The following FRMPD4 variants were observed in gnomAD, a reference collection of about 807,000 sequenced individuals.
The protein encoded by FRMPD4 is FERM and PDZ domain containing 4.
Under a neutral mutation model 94.1 loss-of-function variants are expected in FRMPD4, and 22 were observed. That is an observed-to-expected ratio of 0.23 (90% CI 0.17 to 0.33). The LOEUF (loss-of-function observed/expected upper bound fraction) is 0.33, where lower values mean the gene tolerates loss of function less well. Ranked by LOEUF, FRMPD4 falls within the 10% of genes least tolerant of loss-of-function variation. The pLI, the probability that FRMPD4 is intolerant of heterozygous loss-of-function variation, is 1.00. For missense variants in FRMPD4, 1,111 were observed against 1,339.9 expected (o/e 0.83, Z 2.67); for synonymous variants, 631 against 548.6 (o/e 1.15, Z -2.10).
At chrX:11,916,436 G>C (rs371872021) in intron 3 of FRMPD4, among the ~76,000 whole-genome samples, 1 of 111,225 alleles carries the variant, frequency 9.0e-6, no homozygotes, top group African/African-American at 3.3e-5. Flanking sequence ...CAATCAGAAA[G>C]GGAAAAAGGG....
intron 1 of FRMPD4, among the ~76,000 whole-genome samples, chrX:12,312,978 G>A (rs1376378783): frequency 9.0e-6 from 1 of 111,521 alleles, no homozygotes; most frequent in Non-Finnish European, 1.9e-5. Flanking sequence ...CTATGGGGGA[G>A]CGATGGATGG....
chrX:11,928,362 T>C (rs375676213), intron 3 of FRMPD4, among the ~76,000 whole-genome samples: 1 of 111,911 alleles, frequency 8.9e-6, no homozygotes, highest in Admixed American at 9.5e-5. Context: ...CCTCTTCATA[T>C]GGCAGCAGGA....
intron 4 of FRMPD4, among the ~76,000 whole-genome samples, chrX:12,668,774 T>G (rs778535145): frequency 1.3e-3 from 148 of 109,938 alleles, no homozygotes; most frequent in African/African-American, 4.2e-3. Context: ...CCGGCTAATT[T>G]TTGTATTATT....
At chrX:12,571,075 G>A in intron 2 of FRMPD4, among the ~76,000 whole-genome samples, 1 of 111,810 alleles carries the variant, frequency 8.9e-6, no homozygotes, top group Non-Finnish European at 1.9e-5. Context: ...GATCTGCATC[G>A]AAACCTAAAC....
At chrX:11,861,457 C>G (rs1224457681) in intron 1 of FRMPD4, among the ~76,000 whole-genome samples, 2 of 110,260 alleles carry the variant, frequency 1.8e-5, no homozygotes, top group Admixed American at 9.7e-5. Context: ...ACACAAAAAA[C>G]AAAATATGAA....
At chrX:12,039,334 G>A (rs2054738804) in intron 3 of FRMPD4, among the ~76,000 whole-genome samples, 1 of 108,691 alleles carries the variant, frequency 9.2e-6, no homozygotes, top group Non-Finnish European at 1.9e-5. Context: ...AATTCTTAAG[G>A]TGAAAACTTA....
intron 4 of FRMPD4, among the ~76,000 whole-genome samples, chrX:12,624,008 A>G (rs1365814621): frequency 1.8e-5 from 2 of 112,152 alleles, no homozygotes; most frequent in Non-Finnish European, 3.8e-5. Flanking sequence ...GTGCGATCCC[A>G]TCTCAAAAAG....
At chrX:12,114,958 T>C (rs748346504) in intron 3 of FRMPD4, among the ~76,000 whole-genome samples, 4 of 112,281 alleles carry the variant, frequency 3.6e-5, no homozygotes, top group Non-Finnish European at 5.6e-5. Flanking sequence ...TTGCCAGATA[T>C]CTTTTCTGTT....
intron 1 of FRMPD4, chrX:12,341,693 T>C: frequency 3.2e-6 from 1 of 314,382 alleles, no homozygotes; most frequent in Admixed American, 3.3e-5. Flanking sequence ...CTCTTAATAT[T>C]CTATTACATT....
chrX:12,512,078 C>T (rs777146915), intron 2 of FRMPD4, among the ~76,000 whole-genome samples: 63 of 112,036 alleles, frequency 5.6e-4, no homozygotes, highest in African/African-American at 1.7e-3. Flanking sequence ...CAAAATCTTC[C>T]GTTAGCAAAA....
At chrX:12,157,467 A>T (rs1013150852) in intron 1 of FRMPD4, among the ~76,000 whole-genome samples, 2 of 111,667 alleles carry the variant, frequency 1.8e-5, no homozygotes, top group Non-Finnish European at 3.8e-5. Context: ...GCTTGGCCCC[A>T]GCATTTTATG....
chrX:11,857,240 G>A (rs946081703), intron 1 of FRMPD4, among the ~76,000 whole-genome samples: 2 of 111,390 alleles, frequency 1.8e-5, no homozygotes, highest in African/African-American at 6.5e-5. Context: ...AAAGGAGCCC[G>A]AATAGCCAAG....
intron 1 of FRMPD4, among the ~76,000 whole-genome samples, chrX:12,247,680 C>A (rs1325410164): frequency 2.7e-5 from 3 of 111,952 alleles, no homozygotes; most frequent in African/African-American, 6.5e-5. Context: ...AGCCACTATA[C>A]CTGGCAATAT....
chrX:12,302,832 T>A (rs1321554449), intron 1 of FRMPD4, among the ~76,000 whole-genome samples: 3 of 112,416 alleles, frequency 2.7e-5, no homozygotes, highest in Admixed American at 9.4e-5. Context: ...CTTTTTGGAA[T>A]AATGCAATAC....
At chrX:12,220,181 A>G (rs1035550739) in intron 1 of FRMPD4, among the ~76,000 whole-genome samples, 2 of 110,464 alleles carry the variant, frequency 1.8e-5, no homozygotes, top group Non-Finnish European at 3.8e-5. Context: ...CAACAACAAC[A>G]CAAAAAAACA....
intron 1 of FRMPD4, among the ~76,000 whole-genome samples, chrX:12,206,221 ATG>A (rs1214789873): frequency 1.8e-5 from 2 of 112,420 alleles, no homozygotes; most frequent in Non-Finnish European, 1.9e-5. Flanking sequence ...AAATTCAGTA[ATG>A]TGGTTTAAAA....
At chrX:11,897,354 C>T (rs1217338478) in intron 3 of FRMPD4, among the ~76,000 whole-genome samples, 2 of 110,377 alleles carry the variant, frequency 1.8e-5, no homozygotes, top group African/African-American at 6.6e-5. Context: ...GATAATGGTC[C>T]TTATTTCTTA....
intron 1 of FRMPD4, among the ~76,000 whole-genome samples, chrX:12,414,541 GA>G (rs1394805773): frequency 8.9e-6 from 1 of 112,053 alleles, no homozygotes; most frequent in East Asian, 2.8e-4. Flanking sequence ...GCAGATGCTT[GA>G]GACGTATTTT....
At chrX:12,002,794 G>A (rs1285470636) in intron 3 of FRMPD4, among the ~76,000 whole-genome samples, 2 of 111,701 alleles carry the variant, frequency 1.8e-5, no homozygotes. Flanking sequence ...CGTTGGAGGT[G>A]CAAGGCTGAA....
Sources: allele counts gnomAD v4.1 joint callset (sites outside exome capture counted in the v4.1 genomes callset), GRCh38; gene constraint gnomAD v4.1.1; transcripts MANE v1.5; gene names NCBI Gene and HGNC (gene_info 2026-07-23, HGNC 2026-07-21).